The following C22orf42 variants were observed in gnomAD, a reference collection of about 807,000 sequenced individuals.
C22orf42 encodes uncharacterized protein C22orf42.
Under a neutral mutation model 31.4 loss-of-function variants are expected in C22orf42, and 24 were observed. The observed-to-expected ratio is 0.77, with a 90% CI of 0.55 to 1.08. The LOEUF (loss-of-function observed/expected upper bound fraction) is 1.08. Among genes scored for constraint, C22orf42 ranks in the 50% least tolerant of loss-of-function variants. The pLI is 0.00. For synonymous variants in C22orf42, 96 were observed against 112.7 expected (o/e 0.85, Z 0.94); for missense variants, 276 against 327.3 (o/e 0.84, Z 1.21).
intron 1 of C22orf42, among the ~76,000 whole-genome samples, chr22:32,155,531 G>A (rs1379206661): frequency 6.6e-6 from 1 of 151,102 alleles, no homozygotes. Flanking sequence ...CTCACGCCTT[G>A]CTTCTGCTTC....
chr22:32,159,921 GTTTC>G (rs1322624745), upstream of C22orf42: 2 of 152,174 alleles, frequency 1.3e-5, no homozygotes, highest in African/African-American at 2.4e-5. Context: ...TTCTCCCTCT[GTTTC>G]TTTCTTCCAT....
intron 8 of C22orf42, 39 bp downstream of exon 8, chr22:32,149,714 C>G (rs754897457): frequency 3.6e-5 from 40 of 1,124,010 alleles, no homozygotes; most frequent in Non-Finnish European, 4.5e-5. Flanking sequence ...TCTATATCTA[C>G]ATATATATCT....
Sources: gnomAD v4.1 joint callset for allele counts (sites outside exome capture counted in the v4.1 genomes callset) on GRCh38, gnomAD v4.1.1 for gene constraint, MANE v1.5 for transcripts, NCBI Gene and HGNC (gene_info 2026-07-23, HGNC 2026-07-21) for gene names.